OR2I1: variants seen among roughly 807,000 people sequenced by gnomAD.
OR2I1 encodes the protein putative olfactory receptor 2I1.
At chr6:29,554,858 T>G in the OR2I1 span, 1 of 149,468 alleles carries the variant, frequency 6.7e-6, no homozygotes, top group African/African-American at 2.5e-5. Flanking sequence ...AGAGAGAGAG[T>G]CAGAGAGAGG....
At chr6:29,556,058 C>T in the OR2I1 span, 86 of 1,613,108 alleles carry the variant, frequency 5.3e-5, no homozygotes, top group Middle Eastern at 1.6e-4. Context: ...GCTGGACCTT[C>T]GCACCTGGAG....
chr6:29,554,174 G>A, the OR2I1 span: 3 of 398,868 alleles, frequency 7.5e-6, no homozygotes, highest in East Asian at 1.1e-4. Flanking sequence ...TGAGTAGTTG[G>A]GGAGGGGAGA....
chr6:29,556,053 A>C, the OR2I1 span: 2 of 1,613,036 alleles, frequency 1.2e-6, no homozygotes, highest in Non-Finnish European at 1.7e-6. Flanking sequence ...ACTGAGCTGG[A>C]CCTTCGCACC....
chr6:29,555,221 G>A, the OR2I1 span: 1 of 152,204 alleles, frequency 6.6e-6, no homozygotes, highest in Admixed American at 6.5e-5. Flanking sequence ...ATCATCCCCA[G>A]AAATAATAAC....
At chr6:29,557,158 T>C in the OR2I1 span, 5 of 152,206 alleles carry the variant, frequency 3.3e-5, no homozygotes, top group African/African-American at 1.2e-4. Flanking sequence ...AGTTAAGTCA[T>C]GCATCCCTTA....
At chr6:29,555,992 G>A in the OR2I1 span, 1 of 1,613,040 alleles carries the variant, frequency 6.2e-7, no homozygotes, top group Admixed American at 1.7e-5. Context: ...CACAATCTGG[G>A]TCTCAGGGAT....
the OR2I1 span, chr6:29,552,689 T>C: frequency 1.3e-5 from 2 of 152,286 alleles, no homozygotes; most frequent in Non-Finnish European, 2.9e-5. Context: ...GTTATACAGT[T>C]ACACAGTTAT....
chr6:29,550,634 C>T, the OR2I1 span: 1 of 152,238 alleles, frequency 6.6e-6, no homozygotes. Context: ...TTTTATTCCT[C>T]TATTTACAAG....
the OR2I1 span, chr6:29,554,221 T>C: frequency 1.7e-4 from 66 of 398,320 alleles, no homozygotes; most frequent in Non-Finnish European, 2.8e-4. Context: ...GAAATACCCC[T>C]TAGTGAGTCA....
At chr6:29,553,637 G>A in the OR2I1 span, 1 of 398,276 alleles carries the variant, frequency 2.5e-6, no homozygotes, top group Non-Finnish European at 4.4e-6. Flanking sequence ...CCGCGCCTAT[G>A]TCGCACGCTG....
the OR2I1 span, chr6:29,556,682 G>A: frequency 3.4e-6 from 1 of 290,542 alleles, no homozygotes; most frequent in Non-Finnish European, 6.4e-6. Context: ...TTGGGCCAAG[G>A]GTGGTGGCTT....
At chr6:29,556,561 A>C in the OR2I1 span, 1 of 529,164 alleles carries the variant, frequency 1.9e-6, no homozygotes, top group African/African-American at 1.9e-5. Flanking sequence ...CTTTATAATC[A>C]CACCTTTTTT....
At chr6:29,553,379 T>C in the OR2I1 span, 1 of 399,236 alleles carries the variant, frequency 2.5e-6, no homozygotes, top group Non-Finnish European at 4.4e-6. Context: ...GACCCGCGCC[T>C]GCACACGCCC....
At chr6:29,556,147 G>A in the OR2I1 span, 1 of 1,613,084 alleles carries the variant, frequency 6.2e-7, no homozygotes, top group Non-Finnish European at 8.5e-7. Flanking sequence ...CCACTTTCAG[G>A]GTAAGGTGGA....
chr6:29,554,476 C>T, the OR2I1 span: 2 of 239,786 alleles, frequency 8.3e-6, no homozygotes, highest in Non-Finnish European at 1.6e-5. Context: ...CCATGGAAGA[C>T]CTCTTGGTCT....
At chr6:29,553,466 A>G in the OR2I1 span, 2 of 398,760 alleles carry the variant, frequency 5.0e-6, no homozygotes, top group Non-Finnish European at 4.4e-6. Flanking sequence ...CTGCTGGCCA[A>G]CCTGCGCGGA....
the OR2I1 span, chr6:29,556,445 A>G: frequency 6.9e-6 from 6 of 863,726 alleles, no homozygotes; most frequent in Non-Finnish European, 7.2e-6. Context: ...TCCACTATCT[A>G]TCTGGTCCTC....
chr6:29,554,925 G>C, the OR2I1 span: 1 of 152,258 alleles, frequency 6.6e-6, no homozygotes, highest in Admixed American at 6.5e-5. Context: ...ACAGGAACAG[G>C]GATCTCCTCA....
the OR2I1 span, chr6:29,555,322 G>A: frequency 1.3e-3 from 205 of 153,050 alleles, 6 homozygotes; most frequent in South Asian, 0.037. Flanking sequence ...GAAGAGGGGG[G>A]AAGGAGTTTA....
Sources: gnomAD v4.1 joint callset for allele counts on GRCh38, gnomAD v4.1.1 for gene constraint, MANE v1.5 for transcripts, NCBI Gene and HGNC (gene_info 2026-07-23, HGNC 2026-07-21) for gene names.